The following OVCH1 variants were observed in gnomAD, a reference collection of about 807,000 sequenced individuals.
OVCH1 encodes the protein ovochymase-1.
In OVCH1, 139 loss-of-function variants were observed where a neutral mutation model predicts 138.4. The ratio of observed to expected loss-of-function variants is 1.00; its 90% CI spans 0.87 to 1.16. OVCH1 has a LOEUF of 1.16. Among genes scored for constraint, OVCH1 ranks in the 50% most tolerant of loss-of-function variants. OVCH1 has a pLI of 0.00. For synonymous variants in OVCH1, 453 were observed against 467.8 expected (o/e 0.97, Z 0.41); for missense variants, 1,367 against 1,357.9 (o/e 1.01, Z -0.11).
intron 26 of OVCH1, among the ~76,000 whole-genome samples, chr12:29,434,704 T>G (rs375858467): frequency 1.6e-5 from 2 of 122,932 alleles, no homozygotes; most frequent in African/African-American, 6.1e-5. Context: ...TAATTTACCT[T>G]GTCCCCAACA....
downstream of OVCH1, among the ~76,000 whole-genome samples, chr12:29,411,937 C>G (rs551679257): frequency 6.6e-6 from 1 of 151,982 alleles, no homozygotes; most frequent in South Asian, 2.1e-4. Context: ...GGCAGGCCTC[C>G]TTGAGCTGTG....
intron 4 of OVCH1, among the ~76,000 whole-genome samples, chr12:29,493,215 G>A (rs1943319434): frequency 6.6e-6 from 1 of 152,014 alleles, no homozygotes; most frequent in Admixed American, 6.6e-5. Flanking sequence ...TACACTTCGA[G>A]TTATTCTCAG....
At chr12:29,444,509 T>C (rs1416065842) in intron 23 of OVCH1, among the ~76,000 whole-genome samples, 2 of 152,110 alleles carry the variant, frequency 1.3e-5, no homozygotes, top group Non-Finnish European at 2.9e-5. Flanking sequence ...CTAGGGTCTA[T>C]GGAAGATTAT....
the OVCH1 span, among the ~76,000 whole-genome samples, chr12:29,405,649 A>C: frequency 1.3e-5 from 2 of 152,210 alleles, no homozygotes; most frequent in African/African-American, 4.8e-5. Context: ...AACTCCAAAA[A>C]CTATTTTGTA....
intron 7 of OVCH1, 51 bp from the exon 8 acceptor site, chr12:29,486,399 T>C: frequency 7.3e-7 from 1 of 1,368,828 alleles, no homozygotes; most frequent in African/African-American, 1.5e-5. Flanking sequence ...ATCATTTAAA[T>C]AAAACATTTT....
intron 3 of OVCH1, among the ~76,000 whole-genome samples, chr12:29,422,111 A>G (rs2135887055): frequency 6.6e-6 from 1 of 152,322 alleles, no homozygotes; most frequent in East Asian, 1.9e-4. Context: ...ATTTTAATCC[A>G]CATTATATGC....
At chr12:29,452,158 T>C in intron 21 of OVCH1, among the ~76,000 whole-genome samples, 1 of 152,204 alleles carries the variant, frequency 6.6e-6, no homozygotes, top group Non-Finnish European at 1.5e-5. Flanking sequence ...TAACTCTCTC[T>C]TCTTCCTTTA....
At chr12:29,465,317 C>G in intron 16 of OVCH1, 98 bp from the exon 17 acceptor site, 1 of 995,742 alleles carries the variant, frequency 1.0e-6, no homozygotes, top group Non-Finnish European at 1.4e-6. Context: ...TAAAGTCTTT[C>G]TGAAGACGTT....
Position 29,448,520 on chromosome 12 carries a change from G to A in OVCH1, c.2755+2825C>T, listed in dbSNP as rs73278721. ...TTCAAAGTGCTGGGAATAGACAATGGCCCCGAGGTAAGAATGAGAGGTATT... is the reference window on the plus strand; with the variant it reads ...TTCAAAGTGCTGGGAATAGACAATGACCCCGAGGTAAGAATGAGAGGTATT... On this transcript the variant is annotated intron_variant, in intron 22 of 27. Coordinates refer to ENST00000318184, the Ensembl canonical transcript of OVCH1. Among the ~76,000 whole-genome samples the A allele has an allele frequency of 4.2e-3, 631 of 152,026 alleles. 5 individuals are homozygous for A. The highest frequency in any genetic ancestry group is 0.015 in the African/African-American group (602 of 41,490).
chr12:29,445,490 C>A, intron 22 of OVCH1, 87 bp from the exon 23 acceptor site: 2 of 1,304,234 alleles, frequency 1.5e-6, no homozygotes, highest in South Asian at 1.4e-5. Flanking sequence ...TTAATTTAAC[C>A]CACGAGGTAG....
intron 18 of OVCH1, 90 bp from the exon 19 acceptor site, chr12:29,462,098 C>CAGAG: frequency 1.5e-6 from 2 of 1,363,118 alleles, no homozygotes; most frequent in Non-Finnish European, 2.0e-6. Context: ...TAGCTCTGTA[C>CAGAG]CAACATAGCT....
At chr12:29,482,424 C>G (rs918846493) in intron 8 of OVCH1, among the ~76,000 whole-genome samples, 5 of 152,134 alleles carry the variant, frequency 3.3e-5, no homozygotes, top group South Asian at 2.1e-4. Flanking sequence ...TCTCCACCCC[C>G]CTTTCTTGCC....
intron 18 of OVCH1, among the ~76,000 whole-genome samples, chr12:29,463,749 T>C (rs1186865624): frequency 6.6e-6 from 1 of 152,188 alleles, no homozygotes; most frequent in Non-Finnish European, 1.5e-5. Context: ...TTTACGAAAG[T>C]GCAATTTGGC....
At chr12:29,432,514 G>A (rs1941287073) in intron 27 of OVCH1, among the ~76,000 whole-genome samples, 1 of 152,130 alleles carries the variant, frequency 6.6e-6, no homozygotes, top group African/African-American at 2.4e-5. Flanking sequence ...GGAGGCAGGG[G>A]TAGGAAATCA....
chr12:29,470,215 CTCTTT>C (rs1462976708), intron 16 of OVCH1, among the ~76,000 whole-genome samples: 1 of 151,978 alleles, frequency 6.6e-6, no homozygotes, highest in Non-Finnish European at 1.5e-5. Context: ...GTATTTTTTT[CTCTTT>C]TGATTTTTTA....
intron 26 of OVCH1, among the ~76,000 whole-genome samples, chr12:29,436,921 AGCGG>A (rs540613072): frequency 8.5e-5 from 13 of 152,314 alleles, no homozygotes; most frequent in African/African-American, 2.4e-4. Context: ...AAGGGACCCA[AGCGG>A]GTTGCTGCTG....
chr12:29,406,937 T>C, the OVCH1 span, among the ~76,000 whole-genome samples: 3 of 142,486 alleles, frequency 2.1e-5, no homozygotes, highest in Non-Finnish European at 4.6e-5. Context: ...GTAAAAGTGT[T>C]CCTATTTCTC....
chr12:29,477,590 A>T (rs746715151), intron 9 of OVCH1, 112 bp from the exon 11 acceptor site: 3 of 1,613,146 alleles, frequency 1.9e-6, no homozygotes, highest in Non-Finnish European at 2.5e-6. Flanking sequence ...TAAACACACT[A>T]AACTATTTAA....
At chr12:29,441,775 GA>G (rs1941491411) in intron 25 of OVCH1, among the ~76,000 whole-genome samples, 1 of 151,816 alleles carries the variant, frequency 6.6e-6, no homozygotes, top group African/African-American at 2.4e-5. Flanking sequence ...AAATTTACAA[GA>G]AAAAAACAAA....
Sources: gnomAD v4.1 joint callset for allele counts (sites outside exome capture counted in the v4.1 genomes callset) on GRCh38, gnomAD v4.1.1 for gene constraint, MANE v1.5 for transcripts, NCBI Gene and HGNC (gene_info 2026-07-23, HGNC 2026-07-21) for gene names.